The following KLHL2 variants were observed in gnomAD, a reference collection of about 807,000 sequenced individuals.
KLHL2 encodes the protein kelch-like protein 2.
KLHL2 carries 15 observed loss-of-function variants against 75.8 expected under a neutral mutation model. The ratio of observed to expected loss-of-function variants is 0.20; its 90% CI spans 0.13 to 0.30. The LOEUF (loss-of-function observed/expected upper bound fraction) is 0.30. Ranked by LOEUF, KLHL2 falls within the 10% of genes least tolerant of loss-of-function variation. KLHL2 has a pLI of 1.00. For synonymous variants in KLHL2, 214 were observed against 251.9 expected, an observed-to-expected ratio of 0.85 and a Z score of 1.42; for missense variants, 381 against 741.0, an observed-to-expected ratio of 0.51 and a Z score of 5.64.
intron 5 of KLHL2, among the ~76,000 whole-genome samples, chr4:165,264,727 T>TATATATATATATATATATATATATAC (rs1742063107): frequency 1.3e-5 from 1 of 74,112 alleles, no homozygotes; most frequent in Non-Finnish European, 2.6e-5. Context: ...TATACATATA[T>TATATATATATATATATATATATATAC]ATATATATAT....
chr4:165,213,224 A>G (rs995563634), intron 1 of KLHL2, among the ~76,000 whole-genome samples: 7 of 152,130 alleles, frequency 4.6e-5, no homozygotes, highest in African/African-American at 1.7e-4. Context: ...TGATACCTGA[A>G]CTTTTTCACT....
chr4:165,275,607 C>A (rs1195271645), intron 5 of KLHL2, among the ~76,000 whole-genome samples: 4 of 152,126 alleles, frequency 2.6e-5, no homozygotes, highest in Non-Finnish European at 5.9e-5. Flanking sequence ...GTATCATTTT[C>A]TTTTTCTTTT....
chr4:165,295,738 CA>C (rs1223737471), intron 6 of KLHL2, among the ~76,000 whole-genome samples: 3 of 151,966 alleles, frequency 2.0e-5, no homozygotes, highest in African/African-American at 7.3e-5. Context: ...GTAGAAGAAG[CA>C]GAATATACAA....
chr4:165,303,086 T>C (rs1174017882), intron 8 of KLHL2, among the ~76,000 whole-genome samples: 1 of 152,148 alleles, frequency 6.6e-6, no homozygotes, highest in Admixed American at 6.5e-5. Context: ...TGTCCCCCCA[T>C]TGCACGTTCT....
intron 4 of KLHL2, among the ~76,000 whole-genome samples, chr4:165,242,544 C>A (rs1026856003): frequency 7.2e-5 from 11 of 152,212 alleles, no homozygotes; most frequent in African/African-American, 2.6e-4. Context: ...GTTGCCCAGG[C>A]TGTGGTCAGT....
At chr4:165,265,046 T>C (rs1742138423) in intron 5 of KLHL2, among the ~76,000 whole-genome samples, 1 of 151,954 alleles carries the variant, frequency 6.6e-6, no homozygotes, top group African/African-American at 2.4e-5. Flanking sequence ...CTATTGTTTT[T>C]TCACTTTTAA....
At chr4:165,276,505 CCTAA>C (rs938150434) in intron 5 of KLHL2, among the ~76,000 whole-genome samples, 10 of 151,948 alleles carry the variant, frequency 6.6e-5, no homozygotes, top group Admixed American at 2.0e-4. Context: ...CTGCCATCAG[CCTAA>C]CTTTTTTTTT....
At chr4:165,267,928 A>G (rs1463935361) in intron 5 of KLHL2, among the ~76,000 whole-genome samples, 1 of 152,162 alleles carries the variant, frequency 6.6e-6, no homozygotes, top group Non-Finnish European at 1.5e-5. Context: ...TTGGCTGTGA[A>G]TCCATCTGGT....
At chr4:165,314,351 A>G (rs941307246) in intron 13 of KLHL2, among the ~76,000 whole-genome samples, 185 bp downstream of exon 13, 2 of 152,202 alleles carry the variant, frequency 1.3e-5, no homozygotes, top group African/African-American at 2.4e-5. Flanking sequence ...AATGCCTGCC[A>G]TAGTCTCTGG....
In KLHL2 at chr4:165,280,926, T is replaced by C. The variant is rs575341866; in HGVS notation, c.545-13433T>C. Among the ~76,000 whole-genome samples, 282 of 152,354 alleles carry C rather than the reference T, an allele frequency of 1.9e-3. 1 individual carries two copies. Among genetic ancestry groups the C allele is most frequent in the African/African-American group, 6.4e-3 (268 of 41,584 alleles). ...AAAGAATCACAGAGTATTAATGTTA[T>C]AGGAAATCTTAGCAGTTATCTAGTC... On this transcript the variant is annotated intron_variant, in intron 5 of 14. Transcript: ENST00000226725.
chr4:165,265,359 T>A (rs1455077598), intron 5 of KLHL2, among the ~76,000 whole-genome samples: 1 of 152,178 alleles, frequency 6.6e-6, no homozygotes, highest in Non-Finnish European at 1.5e-5. Flanking sequence ...TTCTTTGGTC[T>A]TGTGGAAGTT....
chr4:165,274,389 C>G (rs1320935523), intron 5 of KLHL2, among the ~76,000 whole-genome samples: 2 of 152,142 alleles, frequency 1.3e-5, no homozygotes, highest in African/African-American at 4.8e-5. Context: ...GCAGGCAGAT[C>G]ATGAGGTCAT....
intron 4 of KLHL2, among the ~76,000 whole-genome samples, chr4:165,255,639 G>A (rs1312843829): frequency 2.0e-5 from 3 of 152,028 alleles, no homozygotes; most frequent in South Asian, 2.1e-4. Flanking sequence ...CTCCTTGGCC[G>A]CAAAACCCAG....
chr4:165,312,368 T>G (rs1746269991), intron 11 of KLHL2, among the ~76,000 whole-genome samples: 1 of 152,200 alleles, frequency 6.6e-6, no homozygotes, highest in African/African-American at 2.4e-5. Context: ...AGTTATTTAT[T>G]TATATCCTAC....
intron 4 of KLHL2, among the ~76,000 whole-genome samples, chr4:165,240,954 A>G (rs1739774052): frequency 6.6e-6 from 1 of 152,228 alleles, no homozygotes; most frequent in Admixed American, 6.5e-5. Context: ...ATCATGTTCC[A>G]GTCCTGAAAT....
intron 1 of KLHL2, among the ~76,000 whole-genome samples, chr4:165,218,089 T>G (rs1333014378): frequency 5.3e-5 from 8 of 152,232 alleles, no homozygotes; most frequent in Non-Finnish European, 8.8e-5. Context: ...CCACTGCGAC[T>G]GTCCTCCCTA....
intron 1 of KLHL2, chr4:165,219,567 G>A (rs1185966338): frequency 2.3e-6 from 1 of 431,450 alleles, no homozygotes; most frequent in Non-Finnish European, 3.2e-6. Flanking sequence ...GCTCTGTCTT[G>A]GTTTGTTAAT....
intron 5 of KLHL2, among the ~76,000 whole-genome samples, chr4:165,292,314 T>A (rs938781337): frequency 1.3e-4 from 20 of 151,504 alleles, no homozygotes; most frequent in Non-Finnish European, 2.1e-4. Flanking sequence ...TTGTTTTTTT[T>A]ATAGTTATCT....
chr4:165,214,458 T>C (rs533439690), intron 1 of KLHL2, among the ~76,000 whole-genome samples: 2 of 152,276 alleles, frequency 1.3e-5, no homozygotes, highest in African/African-American at 4.8e-5. Context: ...AAGTGCCTGA[T>C]TGTGTTCTGT....
Sources: allele counts gnomAD v4.1 joint callset (sites outside exome capture counted in the v4.1 genomes callset), GRCh38; gene constraint gnomAD v4.1.1; transcripts MANE v1.5; gene names NCBI Gene and HGNC (gene_info 2026-07-23, HGNC 2026-07-21).